CSMD1: variants seen among roughly 807,000 people sequenced by gnomAD.
CSMD1 encodes CUB and Sushi multiple domains 1.
In CSMD1, 213 loss-of-function variants were observed where a neutral mutation model predicts 417.5. That is an observed-to-expected ratio of 0.51 (90% confidence interval 0.46 to 0.57). CSMD1 has a LOEUF of 0.57. CSMD1 is among the 20% of genes least tolerant of loss of function. CSMD1 has a pLI of 0.00. For synonymous variants in CSMD1, 2,862 were observed against 1,736.8 expected (o/e 1.65, Z -16.11); for missense variants, 6,923 against 4,529.7 (o/e 1.53, Z -15.17).
intron 1 of CSMD1, chr8:4,788,369 C>G: frequency 2.1e-6 from 3 of 1,448,722 alleles, no homozygotes; most frequent in Non-Finnish European, 2.9e-6. Context: ...GTCCTCCCCT[C>G]ACACCAGACT....
At chr8:3,372,343 G>A (rs926010114) in intron 18 of CSMD1, among the ~76,000 whole-genome samples, 2 of 152,100 alleles carry the variant, frequency 1.3e-5, no homozygotes, top group Admixed American at 6.5e-5. Context: ...AGGGTTGGAG[G>A]TTTCTTTCAG....
At chr8:4,489,144 T>A (rs1353204435) in intron 2 of CSMD1, among the ~76,000 whole-genome samples, 1 of 152,164 alleles carries the variant, frequency 6.6e-6, no homozygotes, top group African/African-American at 2.4e-5. Context: ...ACTCCTGACC[T>A]CAGGTGATCT....
chr8:4,291,104 C>T (rs990177422), intron 3 of CSMD1, among the ~76,000 whole-genome samples: 7 of 152,216 alleles, frequency 4.6e-5, no homozygotes, highest in Non-Finnish European at 1.0e-4. Flanking sequence ...ACAAACACAA[C>T]TTCTAAATGT....
intron 1 of CSMD1, among the ~76,000 whole-genome samples, chr8:4,764,179 A>T (rs535960904): frequency 1.3e-5 from 2 of 152,218 alleles, no homozygotes; most frequent in South Asian, 4.1e-4. Context: ...CACTGCTGAA[A>T]TCATGAGAGT....
At chr8:3,965,024 G>C (rs531275153) in intron 5 of CSMD1, among the ~76,000 whole-genome samples, 1 of 152,306 alleles carries the variant, frequency 6.6e-6, no homozygotes, top group East Asian at 1.9e-4. Flanking sequence ...GTAGGTGATA[G>C]TTTCTACACA....
intron 12 of CSMD1, among the ~76,000 whole-genome samples, chr8:3,419,775 A>G (rs62505573): frequency 0.092 from 14,038 of 152,278 alleles, 794 homozygotes; most frequent in Middle Eastern, 0.16. Flanking sequence ...TAAAAGAAAT[A>G]ATCTTCATCA....
intron 3 of CSMD1, among the ~76,000 whole-genome samples, chr8:4,241,881 G>T (rs191505056): frequency 6.6e-6 from 1 of 152,006 alleles, no homozygotes; most frequent in Non-Finnish European, 1.5e-5. Flanking sequence ...GAAAGATGGA[G>T]GCAGAATGCA....
At position 3,801,820 on chromosome 8, in the gene CSMD1, T is replaced by C. The variant is rs188191261; in HGVS notation, c.819-47778A>G. Among the ~76,000 whole-genome samples the C allele has an allele frequency of 1.4e-4, 21 of 152,264 alleles. No homozygotes were observed. In the East Asian group the frequency reaches 3.9e-3, roughly 28 times the overall value. ...AAAATCAACAAAGTACTAAGGTATG[T>C]TGGAATACTGAGGGACCAGAATCAT... On this transcript the variant is annotated intron_variant, in intron 5 of 69. Transcript: ENST00000635120.
chr8:3,100,997 G>A (rs375396816), intron 46 of CSMD1, among the ~76,000 whole-genome samples: 2 of 151,356 alleles, frequency 1.3e-5, no homozygotes, highest in African/African-American at 2.4e-5. Context: ...TGCTGCTTTC[G>A]AATGATCATT....
rs1797525848 is a variant in CSMD1, at chr8:3,754,144, T to C, written c.819-102A>G. ...ATCCGATTACTTAAATCCTTCATCTTGAGATGCTTAAAACAGAGGCCATGT... is the reference window on the plus strand; with the variant it reads ...ATCCGATTACTTAAATCCTTCATCTCGAGATGCTTAAAACAGAGGCCATGT... On this transcript the variant is annotated intron_variant, in intron 5 of 69. Transcript: ENST00000635120. The C allele has an allele frequency of 4.5e-6, 3 of 673,478 alleles. No individual in the cohort carries two copies. In the South Asian group the frequency reaches 5.5e-5, roughly 12 times the overall value. The allele number at this position is 673,478 out of a possible 1,614,324, so 41.7% of individuals were successfully genotyped here.
chr8:4,722,721 T>C (rs973745396), intron 1 of CSMD1, among the ~76,000 whole-genome samples: 2 of 152,174 alleles, frequency 1.3e-5, no homozygotes, highest in Non-Finnish European at 2.9e-5. Context: ...AGCTGATTTT[T>C]ACGGAAAGAA....
At chr8:3,872,837 T>TA (rs1805567484) in intron 5 of CSMD1, among the ~76,000 whole-genome samples, 1 of 108,786 alleles carries the variant, frequency 9.2e-6, no homozygotes, top group African/African-American at 3.7e-5. Context: ...ATAAGACAGC[T>TA]CCAAAAAAAA....
At chr8:3,387,739 T>C (rs915705585) in intron 17 of CSMD1, 57 bp from the exon 18 acceptor site, 11 of 1,401,744 alleles carry the variant, frequency 7.8e-6, no homozygotes, top group East Asian at 2.5e-5. Context: ...TTGAAAATAA[T>C]AGAGACCCAC....
intron 26 of CSMD1, among the ~76,000 whole-genome samples, chr8:3,245,663 C>T (rs1799833408): frequency 6.6e-6 from 1 of 152,160 alleles, no homozygotes; most frequent in Admixed American, 6.6e-5. Context: ...GCAAAACGGC[C>T]TCCTTTCATA....
intron 26 of CSMD1, among the ~76,000 whole-genome samples, chr8:3,272,728 T>C (rs2117163082): frequency 6.8e-6 from 1 of 146,364 alleles, no homozygotes; most frequent in South Asian, 2.2e-4. Context: ...TTTGGCTCTC[T>C]GTTTGTCTGT....
intron 2 of CSMD1, among the ~76,000 whole-genome samples, chr8:4,593,116 C>T (rs1046302184): frequency 6.6e-6 from 1 of 152,128 alleles, no homozygotes; most frequent in Non-Finnish European, 1.5e-5. Flanking sequence ...GGTCTCATTC[C>T]TTTCTTAGGG....
chr8:3,134,080 G>A (rs949489530), intron 41 of CSMD1, among the ~76,000 whole-genome samples: 1 of 152,026 alleles, frequency 6.6e-6, no homozygotes, highest in African/African-American at 2.4e-5. Flanking sequence ...CAGGAGGCAG[G>A]AGAATCACTT....
At chr8:3,459,683 A>G (rs1162309245) in intron 12 of CSMD1, among the ~76,000 whole-genome samples, 1 of 152,128 alleles carries the variant, frequency 6.6e-6, no homozygotes, top group African/African-American at 2.4e-5. Context: ...AGGGCACCGG[A>G]TATACTTCAG....
chr8:3,954,459 C>G (rs1441429693), intron 5 of CSMD1, among the ~76,000 whole-genome samples: 1 of 152,274 alleles, frequency 6.6e-6, no homozygotes, highest in South Asian at 2.1e-4. Flanking sequence ...CTCCTCCTCC[C>G]GGGTTCAGGC....
Sources: gnomAD v4.1 joint callset for allele counts (sites outside exome capture counted in the v4.1 genomes callset) on GRCh38, gnomAD v4.1.1 for gene constraint, MANE v1.5 for transcripts, NCBI Gene and HGNC (gene_info 2026-07-23, HGNC 2026-07-21) for gene names.